The following PARD3B variants were observed in gnomAD, a reference collection of about 807,000 sequenced individuals.
PARD3B encodes par-3 family cell polarity regulator beta, also known as partitioning defective 3 homolog B.
PARD3B carries 103 observed loss-of-function variants against 130.2 expected under a neutral mutation model. The observed-to-expected ratio is 0.79, with a 90% CI of 0.67 to 0.93. PARD3B has a LOEUF of 0.93. Ranked by LOEUF, PARD3B falls within the 40% of genes least tolerant of loss-of-function variation. PARD3B has a pLI of 0.00. For synonymous variants in PARD3B, 583 were observed against 553.2 expected, an observed-to-expected ratio of 1.05 and a Z score of -0.76; for missense variants, 1,609 against 1,499.2, an observed-to-expected ratio of 1.07 and a Z score of -1.21.
At chr2:204,576,161 T>G (rs2032246877) in intron 1 of PARD3B, among the ~76,000 whole-genome samples, 1 of 152,218 alleles carries the variant, frequency 6.6e-6, no homozygotes, top group Non-Finnish European at 1.5e-5. Flanking sequence ...GTCTGATTTT[T>G]GAATATTTGA....
chr2:205,410,955 A>G (rs912660479), intron 19 of PARD3B, among the ~76,000 whole-genome samples: 4 of 152,144 alleles, frequency 2.6e-5, no homozygotes, highest in African/African-American at 9.7e-5. Context: ...TAGGCCTGTG[A>G]TTTACAAACT....
rs1574551851 is a variant in PARD3B, at chr2:205,269,245, A to G, written c.2185+23423A>G. Among the ~76,000 whole-genome samples the G allele has an allele frequency of 6.6e-6, 1 of 152,192 alleles. No homozygotes were observed. The highest frequency in any genetic ancestry group is 2.1e-4 in the South Asian group (1 of 4,832). On this transcript the variant is annotated intron_variant, in intron 16 of 22. Coordinates refer to ENST00000406610, the MANE Select transcript of PARD3B (RefSeq NM_001302769.2). The surrounding 1 kb of genome is among the most constrained non-coding windows in gnomAD (Gnocchi z 4.7). ...CTAATTCCTCAATGTTAAGTTCTCAATGATTAAAGGTGCCTTGAGTATTTT... is the reference window on the plus strand; with the variant it reads ...CTAATTCCTCAATGTTAAGTTCTCAGTGATTAAAGGTGCCTTGAGTATTTT...
rs1464195659 is a variant in PARD3B at position 204,799,130 on chromosome 2, G to A, written c.222+112848G>A. On this transcript the variant is annotated intron_variant, in intron 2 of 22. Transcript: ENST00000406610. This position sits in a 1 kb window ranked among gnomAD's most constrained non-coding sequence, Gnocchi z 4.1. ...TTTTTGGACCTGCTATGGGCCAGAC[G>A]GGAGCCCACTACCCTGAAGGGAGAG... is the stretch of plus-strand genomic sequence containing the variant. 4.6e-5 allele frequency among the ~76,000 whole-genome samples: 7 copies of A among 152,172 alleles called. No individual in the cohort carries two copies. Among genetic ancestry groups the A allele is most frequent in the East Asian group, 3.9e-4 (2 of 5,138 alleles).
At chr2:204,695,506 C>T (rs1359635088) in intron 2 of PARD3B, among the ~76,000 whole-genome samples, 2 of 152,004 alleles carry the variant, frequency 1.3e-5, no homozygotes, top group Non-Finnish European at 2.9e-5. Flanking sequence ...TGTGGCAGAG[C>T]ACAGGGCATT....
intron 21 of PARD3B, among the ~76,000 whole-genome samples, chr2:205,523,227 ATATATATATATATATT>A (rs1052777966): frequency 1.5e-5 from 2 of 133,202 alleles, no homozygotes; most frequent in African/African-American, 3.1e-5. Context: ...GTGTGTGTGT[ATATATATATATATATT>A]TATATATATA....
chr2:204,798,248 G>A (rs2042442890), intron 2 of PARD3B, among the ~76,000 whole-genome samples: 1 of 152,148 alleles, frequency 6.6e-6, no homozygotes, highest in South Asian at 2.1e-4. Context: ...GAGGGAGAGA[G>A]AACGCGGTTC....
intron 20 of PARD3B, among the ~76,000 whole-genome samples, chr2:205,479,522 A>G (rs1173889825): frequency 6.6e-6 from 1 of 152,226 alleles, no homozygotes; most frequent in African/African-American, 2.4e-5. Flanking sequence ...ATTCCAATGT[A>G]GAAAAGACTG....
At chr2:205,047,352 T>G (rs1157539533) in intron 3 of PARD3B, among the ~76,000 whole-genome samples, 1 of 152,214 alleles carries the variant, frequency 6.6e-6, no homozygotes, top group African/African-American at 2.4e-5. Context: ...ATGGCTTGTT[T>G]TGAAATGCAA....
intron 18 of PARD3B, among the ~76,000 whole-genome samples, chr2:205,374,652 C>T (rs540437751): frequency 2.6e-4 from 39 of 152,022 alleles, no homozygotes; most frequent in South Asian, 1.7e-3. Context: ...TTTTTTACCC[C>T]GTTACAGTCT....
intron 15 of PARD3B, among the ~76,000 whole-genome samples, chr2:205,235,091 G>T (rs867522880): frequency 1.2e-4 from 18 of 152,088 alleles, no homozygotes; most frequent in South Asian, 4.2e-4. Flanking sequence ...AAGGAAGAAA[G>T]ATTTCAAATA....
At chr2:204,926,632 T>C (rs1687643599) in intron 2 of PARD3B, among the ~76,000 whole-genome samples, 1 of 152,052 alleles carries the variant, frequency 6.6e-6, no homozygotes, top group Non-Finnish European at 1.5e-5. Context: ...CCTTATTATT[T>C]CTCTCGGAAG....
intron 18 of PARD3B, among the ~76,000 whole-genome samples, chr2:205,370,835 A>G (rs953240543): frequency 6.6e-6 from 1 of 152,000 alleles, no homozygotes; most frequent in South Asian, 2.1e-4. Context: ...AGTGGGTGGT[A>G]GGGTGATGTT....
chr2:204,664,325 C>T lies in PARD3B; in HGVS notation c.121-21856C>T, dbSNP rs545931102. Among the ~76,000 whole-genome samples the T allele has an allele frequency of 2.0e-5, 3 of 152,090 alleles. No homozygotes were observed. Among genetic ancestry groups the T allele is most frequent in the African/African-American group, 7.2e-5 (3 of 41,424 alleles). On this transcript the variant is annotated intron_variant, in intron 1 of 22. Coordinates refer to ENST00000406610, the MANE Select transcript of PARD3B (RefSeq NM_001302769.2). This position sits in a 1 kb window ranked among gnomAD's most constrained non-coding sequence, Gnocchi z 5.2. ...TTTGTTTTTCAAGTAATGGAGAAACCATATATTATTTTCATCTGGGAGTGT... is the reference window on the plus strand; with the variant it reads ...TTTGTTTTTCAAGTAATGGAGAAACTATATATTATTTTCATCTGGGAGTGT...
chr2:204,546,657 A>G (rs1384595210), intron 1 of PARD3B, among the ~76,000 whole-genome samples: 1 of 152,220 alleles, frequency 6.6e-6, no homozygotes, highest in Non-Finnish European at 1.5e-5. Context: ...TGACTTGGGC[A>G]GGAACACAGG....
intron 2 of PARD3B, among the ~76,000 whole-genome samples, chr2:204,798,562 C>T (rs1300959545): frequency 6.6e-6 from 1 of 152,128 alleles, no homozygotes; most frequent in Non-Finnish European, 1.5e-5. Flanking sequence ...AGAGGAACAG[C>T]GAAGGGAGCG....
At chr2:204,662,247 C>T (rs186657903) in intron 1 of PARD3B, among the ~76,000 whole-genome samples, 73 of 152,282 alleles carry the variant, frequency 4.8e-4, no homozygotes, top group African/African-American at 1.8e-3. Flanking sequence ...AATATTACCA[C>T]TGATCTTATC....
At position 205,401,139 on chromosome 2, in the gene PARD3B, G is replaced by A. The variant is rs755612061; in HGVS notation, c.2741+16G>A. 24 of 1,549,644 alleles carry A rather than the reference G, an allele frequency of 1.5e-5. No individual in the cohort carries two copies. The highest frequency in any genetic ancestry group is 4.6e-5 in the East Asian group (2 of 43,448). ...AGCGTGAAAGGTGAGCAGAAGTGCC[G>A]AGACCTTCATTTTCTTTGACTCTAT... On this transcript the variant is annotated intron_variant, in intron 19 of 22. Coordinates refer to ENST00000406610, the MANE Select transcript of PARD3B (RefSeq NM_001302769.2).
chr2:205,286,463 T>C (rs1410936238), intron 16 of PARD3B, among the ~76,000 whole-genome samples: 1 of 152,180 alleles, frequency 6.6e-6, no homozygotes, highest in African/African-American at 2.4e-5. Flanking sequence ...ATTCTAAACC[T>C]TTCAATTCCA....
rs752995993 is a variant in PARD3B at position 204,545,988 on chromosome 2, C to G, written c.-12C>G. The G allele has an allele frequency of 1.0e-4, 161 of 1,553,624 alleles. No individual in the cohort carries two copies. Among genetic ancestry groups the G allele is most frequent in the Non-Finnish European group, 1.4e-4 (160 of 1,149,386 alleles). ...TGTTCGGCCCGGCCCGGCGTGGTCG[C>G]CGGGGGCCAGGATGAAAGTGACCGT... On this transcript the variant is annotated 5_prime_UTR_variant, in exon 1 of 23. Transcript: ENST00000406610.
Sources: gnomAD v4.1 joint callset for allele counts (sites outside exome capture counted in the v4.1 genomes callset) on GRCh38, gnomAD v4.1.1 for gene constraint, Gnocchi (gnomAD v3.1) non-coding constraint, MANE v1.5 for transcripts, NCBI Gene and HGNC (gene_info 2026-07-23, HGNC 2026-07-21) for gene names.